Variants in CNTN1 observed in about 807,000 individuals in gnomAD.
The protein encoded by CNTN1 is contactin 1.
CNTN1 carries 38 observed loss-of-function variants against 126.4 expected under a neutral mutation model. The observed-to-expected ratio is 0.30, with a 90% CI of 0.23 to 0.39. CNTN1 has a LOEUF of 0.39. Ranked by LOEUF, CNTN1 falls within the 10% of genes least tolerant of loss-of-function variation. The pLI is 1.00. For synonymous variants in CNTN1, 413 were observed against 422.6 expected (o/e 0.98, Z 0.28); for missense variants, 1,009 against 1,248.4 (o/e 0.81, Z 2.89).
In CNTN1 at chr12:40,910,566, C is replaced by G. The variant is rs114292015; in HGVS notation, c.94+461C>G. Among the ~76,000 whole-genome samples the G allele has an allele frequency of 8.6e-3, 1,304 of 152,236 alleles. 19 individuals carry two copies. Among genetic ancestry groups the G allele is most frequent in the African/African-American group, 0.03 (1,231 of 41,536 alleles). On this transcript the variant is annotated intron_variant, in intron 3 of 23. Transcript: ENST00000551295. ...AATAATCCTTCCAGTTTAGAGCCTA[C>G]TTCAACTACCAAACAGATATTGCAG...
chr12:40,820,058 G>A (rs1941397196), intron 1 of CNTN1, among the ~76,000 whole-genome samples: 1 of 152,158 alleles, frequency 6.6e-6, no homozygotes. Flanking sequence ...TGCTTATTAT[G>A]TTTTTATAAG....
intron 1 of CNTN1, among the ~76,000 whole-genome samples, chr12:40,787,587 T>TTTTCA (rs1940072816): frequency 6.6e-6 from 1 of 152,168 alleles, no homozygotes; most frequent in Non-Finnish European, 1.5e-5. Flanking sequence ...ATCTCATGAC[T>TTTTCA]TTTCATTTCA....
At chr12:40,811,583 A>G (rs183425887) in intron 1 of CNTN1, among the ~76,000 whole-genome samples, 24 of 152,020 alleles carry the variant, frequency 1.6e-4, no homozygotes, top group African/African-American at 5.1e-4. Flanking sequence ...AGATTGCCTT[A>G]CTTGTATTTG....
Position 40,740,609 on chromosome 12 carries a change from G to A in CNTN1, c.-77+48017G>A, listed in dbSNP as rs149039650. ...CCTCTTCAGCCTCATCTCTAGCACT[G>A]AAATAACTCTGAGAGCTTCCTCTTG... is the stretch of plus-strand genomic sequence containing the variant. On this transcript the variant is annotated intron_variant, in intron 1 of 23. Coordinates refer to ENST00000551295, the MANE Select transcript of CNTN1 (RefSeq NM_001843.4). Among the ~76,000 whole-genome samples the A allele has an allele frequency of 1.6e-3, 239 of 152,186 alleles. 5 individuals carry two copies. The highest frequency in any genetic ancestry group is 0.014 in the Admixed American group (216 of 15,258).
chr12:40,753,670 TAACACG>T (rs1266693902), intron 1 of CNTN1, among the ~76,000 whole-genome samples: 1 of 152,086 alleles, frequency 6.6e-6, no homozygotes, highest in Non-Finnish European at 1.5e-5. Flanking sequence ...GTCCCTCCTA[TAACACG>T]TGGGGATTAT....
At chr12:40,715,138 TG>T in intron 1 of CNTN1, among the ~76,000 whole-genome samples, 1 of 152,174 alleles carries the variant, frequency 6.6e-6, no homozygotes, top group Non-Finnish European at 1.5e-5. Flanking sequence ...TGAATATCAC[TG>T]GAATTGCTTG....
chr12:40,842,001 A>T (rs924234193), intron 1 of CNTN1, among the ~76,000 whole-genome samples: 24 of 150,046 alleles, frequency 1.6e-4, no homozygotes, highest in South Asian at 6.3e-4. Context: ...AATTTTTTTT[A>T]AAAAAAGAAA....
chr12:41,014,088 G>A (rs754850414), intron 17 of CNTN1, 140 bp from the exon 18 acceptor site: 13 of 716,916 alleles, frequency 1.8e-5, no homozygotes, highest in Non-Finnish European at 2.9e-5. Flanking sequence ...ATAATTGAGT[G>A]GATCATTTGT....
intron 1 of CNTN1, among the ~76,000 whole-genome samples, chr12:40,876,684 T>G (rs1011102720): frequency 6.6e-6 from 1 of 152,198 alleles, no homozygotes; most frequent in African/African-American, 2.4e-5. Flanking sequence ...AAACATTTCC[T>G]ATTAAACATA....
At chr12:40,698,350 C>G (rs1941505514) in intron 1 of CNTN1, among the ~76,000 whole-genome samples, 1 of 149,754 alleles carries the variant, frequency 6.7e-6, no homozygotes, top group Admixed American at 6.7e-5. Context: ...ATTTTCCTGC[C>G]TCAGCCTCCC....
intron 21 of CNTN1, among the ~76,000 whole-genome samples, chr12:41,027,415 A>C (rs1297305944): frequency 6.6e-6 from 1 of 152,302 alleles, no homozygotes; most frequent in Non-Finnish European, 1.5e-5. Context: ...GCAGCCCATG[A>C]GGTAGAAGGA....
chr12:40,845,987 C>T (rs562726263), intron 1 of CNTN1, among the ~76,000 whole-genome samples: 1 of 152,232 alleles, frequency 6.6e-6, no homozygotes, highest in South Asian at 2.1e-4. Context: ...ATGTGAATTA[C>T]ATAGTGACTT....
At chr12:40,836,400 T>C (rs1942062709) in intron 1 of CNTN1, among the ~76,000 whole-genome samples, 1 of 151,578 alleles carries the variant, frequency 6.6e-6, no homozygotes, top group South Asian at 2.1e-4. Flanking sequence ...TGTAAATCTC[T>C]TGAGGTTAGG....
intron 1 of CNTN1, among the ~76,000 whole-genome samples, chr12:40,837,957 A>G (rs1461225441): frequency 6.6e-6 from 1 of 152,074 alleles, no homozygotes; most frequent in African/African-American, 2.4e-5. Context: ...CACTGAGGAT[A>G]ACCCCACCCT....
At chr12:40,830,767 TGAGA>T (rs1303652026) in intron 1 of CNTN1, among the ~76,000 whole-genome samples, 2 of 85,846 alleles carry the variant, frequency 2.3e-5, no homozygotes, top group African/African-American at 4.2e-5. Context: ...CTATATATAT[TGAGA>T]GAGAGGGAGA....
At chr12:40,983,456 G>C (rs1420567531) in intron 16 of CNTN1, among the ~76,000 whole-genome samples, 2 of 150,676 alleles carry the variant, frequency 1.3e-5, no homozygotes, top group African/African-American at 4.9e-5. Context: ...TAATTCCTTT[G>C]ATGATATTCA....
chr12:40,778,618 C>T (rs1286812617), intron 1 of CNTN1, among the ~76,000 whole-genome samples: 1 of 151,634 alleles, frequency 6.6e-6, no homozygotes, highest in Non-Finnish European at 1.5e-5. Flanking sequence ...TGAACATAAA[C>T]CTAATTATAG....
Position 40,993,255 on chromosome 12 carries a change from A to G in CNTN1, c.2099A>G (p.Lys700Arg). 1.2e-6 allele frequency: 2 copies of G among 1,613,776 alleles called. No homozygotes were observed. The highest frequency in any genetic ancestry group is 1.7e-6 in the Non-Finnish European group (2 of 1,179,718). The change falls in exon 17 of 24, where the codon AAA becomes AGA. Residue 700 changes from lysine (K) to arginine (R), a missense_variant. Transcript: ENST00000551295. ...CCCAGTATACCATCTAACAGAATTA[A>G]AACAGACGGTGCTGGTATGTATATA... ...GEPSIPSNRI[K>R]TDGAAPNVAP...
At chr12:40,805,580 G>A (rs1008632991) in intron 1 of CNTN1, among the ~76,000 whole-genome samples, 6 of 152,040 alleles carry the variant, frequency 3.9e-5, no homozygotes, top group African/African-American at 1.4e-4. Flanking sequence ...GTTTCCCACT[G>A]TGCCCTTTAT....
Sources: allele counts gnomAD v4.1 joint callset (sites outside exome capture counted in the v4.1 genomes callset), GRCh38; gene constraint gnomAD v4.1.1; transcripts MANE v1.5; gene names NCBI Gene and HGNC (gene_info 2026-07-23, HGNC 2026-07-21).